USP45: variants seen among roughly 807,000 people sequenced by gnomAD.
USP45 encodes the protein ubiquitin specific peptidase 45, also known as ubiquitin carboxyl-terminal hydrolase 45.
USP45 carries 89 observed loss-of-function variants against 95.8 expected under a neutral mutation model. The ratio of observed to expected loss-of-function variants is 0.93; its 90% CI spans 0.78 to 1.11. The LOEUF (loss-of-function observed/expected upper bound fraction) is 1.11, where lower values mean the gene tolerates loss of function less well. USP45 is among the 50% of genes least tolerant of loss of function. The pLI is 0.00. For synonymous variants in USP45, 281 were observed against 316.2 expected (o/e 0.89, Z 1.18); for missense variants, 898 against 942.5 (o/e 0.95, Z 0.62).
intron 13 of USP45, among the ~76,000 whole-genome samples, chr6:99,450,898 G>A (rs899927906): frequency 2.2e-4 from 33 of 152,068 alleles, no homozygotes; most frequent in Non-Finnish European, 4.1e-4. Flanking sequence ...ATCAATAAAC[G>A]TAATCCATCA....
At chr6:99,481,478 C>A (rs1320745079) in intron 8 of USP45, among the ~76,000 whole-genome samples, 3 of 152,154 alleles carry the variant, frequency 2.0e-5, no homozygotes, top group African/African-American at 7.2e-5. Context: ...AAACAAATTT[C>A]TAAAGCATAC....
At chr6:99,508,997 G>T (rs946517582) in intron 2 of USP45, among the ~76,000 whole-genome samples, 1 of 152,188 alleles carries the variant, frequency 6.6e-6, no homozygotes, top group Non-Finnish European at 1.5e-5. Context: ...TGGTTGTAGG[G>T]AGCAATGGAC....
intron 8 of USP45, among the ~76,000 whole-genome samples, chr6:99,481,970 T>C (rs563609537): frequency 7.2e-5 from 11 of 152,342 alleles, no homozygotes; most frequent in Admixed American, 3.9e-4. Context: ...AAATGAAACA[T>C]ACACTAAGCC....
chr6:99,480,445 G>T (rs974688474), intron 8 of USP45, among the ~76,000 whole-genome samples: 1 of 152,184 alleles, frequency 6.6e-6, no homozygotes, highest in Admixed American at 6.5e-5. Flanking sequence ...GGAGGCCAAG[G>T]TGGGCAGATC....
At chr6:99,487,016 G>A (rs886224277) in intron 7 of USP45, among the ~76,000 whole-genome samples, 1 of 152,188 alleles carries the variant, frequency 6.6e-6, no homozygotes, top group African/African-American at 2.4e-5. Context: ...GTCCTAGTAA[G>A]AGAGTGCTGT....
At chr6:99,471,167 A>C (rs1789303531) in intron 9 of USP45, among the ~76,000 whole-genome samples, 1 of 152,130 alleles carries the variant, frequency 6.6e-6, no homozygotes. Context: ...TCTCTACTCC[A>C]AACTGTTTAA....
At chr6:99,505,005 T>C (rs962449483) in intron 4 of USP45, among the ~76,000 whole-genome samples, 1 of 152,190 alleles carries the variant, frequency 6.6e-6, no homozygotes, top group Non-Finnish European at 1.5e-5. Flanking sequence ...AGCTGGTTGA[T>C]GGGTATAGGT....
rs1294129587 is a variant in USP45 at position 99,434,570 on chromosome 6, A to G, written c.*1146T>C. The G allele has an allele frequency of 6.6e-6, 1 of 152,192 alleles. No individual in the cohort carries two copies. Among genetic ancestry groups the G allele is most frequent in the African/African-American group, 2.4e-5 (1 of 41,450 alleles). 9.4% of individuals were successfully genotyped at this position (152,192 alleles called of 1,614,324 possible). On this transcript the variant is annotated 3_prime_UTR_variant, in exon 18 of 18. Transcript: ENST00000500704. Reference sequence around the variant, plus strand: ...ATTTGTATTCTAGAGGGGAAAAATGATATTTTTGCTATTATTTAAAAAGAA... The same window carrying G: ...ATTTGTATTCTAGAGGGGAAAAATGGTATTTTTGCTATTATTTAAAAAGAA...
At chr6:99,489,884 G>A (rs1243980524) in intron 5 of USP45, among the ~76,000 whole-genome samples, 3 of 152,160 alleles carry the variant, frequency 2.0e-5, no homozygotes, top group African/African-American at 7.2e-5. Flanking sequence ...CTGAGAGGCA[G>A]AGGTTGCAGT....
intron 15 of USP45, among the ~76,000 whole-genome samples, chr6:99,442,654 C>G (rs910224212): frequency 1.3e-5 from 2 of 152,002 alleles, no homozygotes; most frequent in African/African-American, 4.8e-5. Context: ...TAAGACCAGC[C>G]TGGCCGACAT....
intron 10 of USP45, 134 bp from the exon 11 acceptor site, chr6:99,466,897 T>C (rs1452905379): frequency 8.0e-6 from 5 of 624,370 alleles, no homozygotes; most frequent in African/African-American, 1.9e-5. Flanking sequence ...CATTTTACTA[T>C]ACATACAACA....
intron 15 of USP45, among the ~76,000 whole-genome samples, chr6:99,443,224 G>T (rs1411538190): frequency 6.6e-6 from 1 of 151,958 alleles, no homozygotes; most frequent in Non-Finnish European, 1.5e-5. Context: ...TTTCCATCTG[G>T]TCTCGAACTC....
chr6:99,492,934 C>A lies in USP45; in HGVS notation c.479-4114G>T, dbSNP rs1795509837. 3.3e-5 allele frequency among the ~76,000 whole-genome samples: 5 copies of A among 152,226 alleles called. No individual in the cohort carries two copies. The South Asian group carries it at 1.0e-3, about 32-fold the overall frequency. The stretch of plus-strand genomic sequence containing the variant: ...CTTTGTGTATCAGGCACTATATGAA[C>A]CACTATAACTGTTTACACCTAATTT... On this transcript the variant is annotated intron_variant, in intron 5 of 17. Transcript: ENST00000500704.
At position 99,439,874 on chromosome 6, in the gene USP45, T is replaced by C. The variant is rs748356484; in HGVS notation, c.2074-19A>G. The C allele has an allele frequency of 1.3e-6, 2 of 1,568,798 alleles. No homozygotes were observed. Among genetic ancestry groups the C allele is most frequent in the Non-Finnish European group, 1.7e-6 (2 of 1,155,184 alleles). The stretch of plus-strand genomic sequence containing the variant: ...AGCCAGCCTTAAAAAGACCAAAACA[T>C]TTTTGAAATGCAACAATTAGAAATA... On this transcript the variant is annotated intron_variant, in intron 15 of 17. Transcript: ENST00000500704.
At position 99,476,144 on chromosome 6, in the gene USP45, T is replaced by C; in HGVS notation, c.932A>G (p.Lys311Arg). The stretch of plus-strand genomic sequence containing the variant: ...ATGATATACATAAAGAAACCTGACC[T>C]TTGTTTCTTCTGTCCTCACTGCATC... ...LLDAVRTEETKRIQASILKAF... is the reference protein window; with the variant it reads ...LLDAVRTEETRRIQASILKAF... The change falls in exon 9 of 18, where the codon AAG becomes AGG. Residue 311 changes from lysine to arginine, a missense_variant and splice_region_variant. By Grantham distance (26) the Lys-to-Arg change is conservative. Transcript: ENST00000500704. 6.2e-7 allele frequency: 1 copy of C among 1,612,666 alleles called. No individual in the cohort carries two copies. Among genetic ancestry groups the C allele is most frequent in the Non-Finnish European group, 8.5e-7 (1 of 1,179,194 alleles).
intron 13 of USP45, among the ~76,000 whole-genome samples, chr6:99,453,014 C>T (rs997470402): frequency 2.5e-4 from 38 of 151,830 alleles, no homozygotes; most frequent in Non-Finnish European, 4.4e-5. Flanking sequence ...AGATCACACA[C>T]AGGAGCCTGT....
intron 13 of USP45, among the ~76,000 whole-genome samples, chr6:99,448,804 C>G (rs1368259414): frequency 6.6e-6 from 1 of 152,186 alleles, no homozygotes; most frequent in Non-Finnish European, 1.5e-5. Flanking sequence ...CAAAGGGAAA[C>G]CCATCAGACT....
chr6:99,463,008 AGAGT>A (rs1300695475), intron 13 of USP45, among the ~76,000 whole-genome samples: 15 of 152,116 alleles, frequency 9.9e-5, no homozygotes, highest in African/African-American at 3.4e-4. Context: ...ATTAATTAAT[AGAGT>A]AAGTTAAATT....
intron 3 of USP45, 139 bp downstream of exon 3, chr6:99,508,471 A>T: frequency 1.2e-6 from 1 of 845,542 alleles, no homozygotes; most frequent in Non-Finnish European, 1.8e-6. Flanking sequence ...AATCATTTTT[A>T]AGTTCATTCC....
Sources: gnomAD v4.1 joint callset for allele counts (sites outside exome capture counted in the v4.1 genomes callset) on GRCh38, gnomAD v4.1.1 for gene constraint, MANE v1.5 for transcripts, NCBI Gene and HGNC (gene_info 2026-07-23, HGNC 2026-07-21) for gene names.